Variants in SPAG16 observed in about 807,000 individuals in gnomAD.
The protein encoded by SPAG16 is sperm-associated antigen 16 protein.
SPAG16 carries 86 observed loss-of-function variants against 80.4 expected under a neutral mutation model. The ratio of observed to expected loss-of-function variants is 1.07; its 90% CI spans 0.90 to 1.28. SPAG16 has a LOEUF of 1.28. Among genes scored for constraint, SPAG16 ranks in the 50% most tolerant of loss-of-function variants. The pLI is 0.00. For synonymous variants in SPAG16, 294 were observed against 265.9 expected (o/e 1.11, Z -1.03); for missense variants, 870 against 765.3 (o/e 1.14, Z -1.61).
At chr2:214,153,385 T>A (rs533396469) in intron 15 of SPAG16, among the ~76,000 whole-genome samples, 1 of 152,288 alleles carries the variant, frequency 6.6e-6, no homozygotes, top group East Asian at 1.9e-4. Flanking sequence ...AAAGAATAAT[T>A]GCTACAAACT....
chr2:213,954,066 A>G (rs1407935621), intron 12 of SPAG16, among the ~76,000 whole-genome samples: 3 of 151,938 alleles, frequency 2.0e-5, no homozygotes, highest in South Asian at 2.1e-4. Flanking sequence ...TTGTGCAACC[A>G]TTGCTATAAT....
intron 12 of SPAG16, among the ~76,000 whole-genome samples, chr2:213,951,248 T>C (rs1036660493): frequency 1.3e-5 from 2 of 152,156 alleles, no homozygotes; most frequent in South Asian, 4.1e-4. Flanking sequence ...TAAAATGTAC[T>C]TTCCTTCATA....
chr2:213,687,124 G>A lies in SPAG16; in HGVS notation c.1071-175361G>A, dbSNP rs372175423. 5.3e-5 allele frequency among the ~76,000 whole-genome samples: 8 copies of A among 151,700 alleles called. No individual in the cohort carries two copies. The East Asian group carries it at 1.2e-3, about 22-fold the overall frequency. On this transcript the variant is annotated intron_variant, in intron 10 of 15. Coordinates refer to ENST00000331683, the MANE Select transcript of SPAG16 (RefSeq NM_024532.5). ...TTAGTCATAACCCTTTATTTTGGTG[G>A]TTGTTTCTTGCTTCAAGTAATATTA...
chr2:213,502,353 G>A (rs949096798), intron 10 of SPAG16, among the ~76,000 whole-genome samples: 9 of 152,006 alleles, frequency 5.9e-5, no homozygotes, highest in Non-Finnish European at 1.0e-4. Flanking sequence ...AAATTCCTGG[G>A]CTCAAGCGAT....
intron 9 of SPAG16, among the ~76,000 whole-genome samples, chr2:213,376,298 C>T (rs1028538171): frequency 1.3e-5 from 2 of 151,968 alleles, no homozygotes; most frequent in East Asian, 3.9e-4. Context: ...TTCATTCACT[C>T]AGTGCTTACT....
At chr2:213,730,316 A>G (rs531944228) in intron 10 of SPAG16, among the ~76,000 whole-genome samples, 34 of 152,340 alleles carry the variant, frequency 2.2e-4, no homozygotes, top group South Asian at 8.3e-4. Context: ...TATAGTGAAT[A>G]AAGAAGAAGT....
chr2:214,081,364 T>C (rs1255884131), intron 13 of SPAG16, among the ~76,000 whole-genome samples: 2 of 152,130 alleles, frequency 1.3e-5, no homozygotes, highest in East Asian at 3.9e-4. Context: ...TGGTACAGAA[T>C]TGGGAATAAT....
chr2:213,577,666 G>A (rs2060173894), intron 10 of SPAG16, among the ~76,000 whole-genome samples: 1 of 152,074 alleles, frequency 6.6e-6, no homozygotes, highest in South Asian at 2.1e-4. Flanking sequence ...TCTGATATTA[G>A]TCATTAAAAT....
intron 10 of SPAG16, among the ~76,000 whole-genome samples, chr2:213,507,069 A>C (rs1341700419): frequency 6.6e-6 from 1 of 152,228 alleles, no homozygotes; most frequent in Non-Finnish European, 1.5e-5. Flanking sequence ...GTGCTACCCC[A>C]GAGTTGAAAA....
chr2:213,315,034 CATT>C lies in SPAG16; in HGVS notation c.399-2179_399-2177del, dbSNP rs375697534. ...AATATGTGACTTTATAAATATGTAACATTATTATGATTTATAATATGAAACTAC... is the reference window on the plus strand; with the variant it reads ...AATATGTGACTTTATAAATATGTAACATTATGATTTATAATATGAAACTAC... On this transcript the variant is annotated intron_variant, in intron 4 of 15. Coordinates refer to ENST00000331683, the MANE Select transcript of SPAG16 (RefSeq NM_024532.5). 1.7e-3 allele frequency among the ~76,000 whole-genome samples: 264 copies of C among 151,750 alleles called. 1 individual carries two copies. Among genetic ancestry groups the C allele is most frequent in the African/African-American group, 6.1e-3 (251 of 41,392 alleles).
chr2:214,165,469 CT>C (rs67726428), intron 15 of SPAG16, among the ~76,000 whole-genome samples: 1 of 37,856 alleles, frequency 2.6e-5, no homozygotes, highest in South Asian at 1.1e-3. Context: ...CATCACCATC[CT>C]TTTTTTTTTT....
intron 10 of SPAG16, among the ~76,000 whole-genome samples, chr2:213,721,477 T>A (rs1365754763): frequency 6.6e-6 from 1 of 152,244 alleles, no homozygotes; most frequent in Admixed American, 6.5e-5. Flanking sequence ...TATTTACTGT[T>A]AGTCATTTAG....
intron 10 of SPAG16, among the ~76,000 whole-genome samples, chr2:213,547,195 T>C (rs1441597584): frequency 6.6e-5 from 10 of 152,092 alleles, no homozygotes; most frequent in Admixed American, 2.0e-4. Flanking sequence ...TTCCTATCAT[T>C]GACAAATATC....
intron 10 of SPAG16, among the ~76,000 whole-genome samples, chr2:213,514,581 A>G (rs1387220093): frequency 1.3e-5 from 2 of 150,282 alleles, no homozygotes; most frequent in Non-Finnish European, 3.0e-5. Flanking sequence ...CTCGTCATCT[A>G]GCATTAGGTA....
intron 12 of SPAG16, among the ~76,000 whole-genome samples, chr2:213,986,286 A>G (rs954169855): frequency 3.9e-5 from 6 of 152,102 alleles, no homozygotes; most frequent in African/African-American, 1.4e-4. Flanking sequence ...CAAAGAACCC[A>G]TGAGTATGTA....
chr2:213,517,038 G>T (rs916385106), intron 10 of SPAG16, among the ~76,000 whole-genome samples: 7 of 152,120 alleles, frequency 4.6e-5, no homozygotes. Context: ...CTTCACTGAT[G>T]ATATGATTCT....
At chr2:213,409,237 ATAATT>A (rs1318023202) in intron 9 of SPAG16, among the ~76,000 whole-genome samples, 1 of 152,164 alleles carries the variant, frequency 6.6e-6, no homozygotes, top group Non-Finnish European at 1.5e-5. Flanking sequence ...GAAATGTTGT[ATAATT>A]TAAAAGTAAC....
At chr2:214,095,476 A>G (rs1170074321) in intron 13 of SPAG16, among the ~76,000 whole-genome samples, 1 of 152,116 alleles carries the variant, frequency 6.6e-6, no homozygotes, top group Non-Finnish European at 1.5e-5. Context: ...GGATTTAAAT[A>G]TGCTATTAAC....
In SPAG16 at chr2:214,172,567, G is replaced by C. The variant is rs190427020; in HGVS notation, c.1720+23301G>C. ...ATAGTGCCGCAATAAACATACGTGTGCATGTGTCCTTATAGCAGCATGATT... is the reference window on the plus strand; with the variant it reads ...ATAGTGCCGCAATAAACATACGTGTCCATGTGTCCTTATAGCAGCATGATT... On this transcript the variant is annotated intron_variant, in intron 15 of 15. Transcript: ENST00000331683. Among the ~76,000 whole-genome samples the C allele has an allele frequency of 1.7e-3, 253 of 152,224 alleles. 1 individual carries two copies. Among genetic ancestry groups the C allele is most frequent in the African/African-American group, 5.9e-3 (247 of 41,536 alleles).
Sources: gnomAD v4.1 joint callset for allele counts (sites outside exome capture counted in the v4.1 genomes callset) on GRCh38, gnomAD v4.1.1 for gene constraint, MANE v1.5 for transcripts, NCBI Gene and HGNC (gene_info 2026-07-23, HGNC 2026-07-21) for gene names.